Variants in MCTP1 observed in about 807,000 individuals in gnomAD.
The protein encoded by MCTP1 is multiple C2 and transmembrane domain containing 1.
Under a neutral mutation model 120.6 loss-of-function variants are expected in MCTP1, and 69 were observed. That is an observed-to-expected ratio of 0.57 (90% CI 0.47 to 0.70). MCTP1 has a LOEUF of 0.70. MCTP1 is among the 30% of genes least tolerant of loss of function. The pLI, the probability that MCTP1 is intolerant of heterozygous loss-of-function variation, is 0.00. For missense variants in MCTP1, 1,203 were observed against 1,248.8 expected, an observed-to-expected ratio of 0.96 and a Z score of 0.55; for synonymous variants, 529 against 493.1, an observed-to-expected ratio of 1.07 and a Z score of -0.96.
intron 1 of MCTP1, among the ~76,000 whole-genome samples, chr5:95,241,239 T>C (rs1317085781): frequency 1.3e-5 from 2 of 152,196 alleles, no homozygotes; most frequent in Non-Finnish European, 2.9e-5. Flanking sequence ...ATGTGGGAAA[T>C]GTGCATCCAA....
intron 17 of MCTP1, among the ~76,000 whole-genome samples, chr5:94,819,091 ATTTATTTATTT>A (rs1785066782): frequency 1.4e-5 from 1 of 73,124 alleles, no homozygotes; most frequent in African/African-American, 5.2e-5. Context: ...TTATTTATTT[ATTTATTTATTT>A]ATTTATTTAT....
intron 1 of MCTP1, among the ~76,000 whole-genome samples, chr5:95,202,351 G>C (rs1358590535): frequency 6.6e-6 from 1 of 152,096 alleles, no homozygotes; most frequent in Non-Finnish European, 1.5e-5. Context: ...CAGCTTCCTT[G>C]GTTCTAAGGC....
chr5:94,873,339 G>A, intron 12 of MCTP1, 98 bp from the exon 13 acceptor site: 2 of 617,832 alleles, frequency 3.2e-6, no homozygotes, highest in Non-Finnish European at 2.8e-6. Context: ...AAGTTTTATA[G>A]TAAACAAAAA....
intron 1 of MCTP1, among the ~76,000 whole-genome samples, chr5:95,144,477 TCCA>T (rs1382244940): frequency 6.6e-6 from 1 of 152,112 alleles, no homozygotes; most frequent in African/African-American, 2.4e-5. Flanking sequence ...TCAATTATTT[TCCA>T]AAGCCAGTGT....
chr5:94,998,849 A>T (rs1370908533), intron 2 of MCTP1, among the ~76,000 whole-genome samples: 1 of 152,166 alleles, frequency 6.6e-6, no homozygotes, highest in Non-Finnish European at 1.5e-5. Flanking sequence ...TTCTCCATAA[A>T]TATTCGTAGA....
intron 2 of MCTP1, among the ~76,000 whole-genome samples, chr5:95,009,483 G>T (rs1835481090): frequency 6.6e-6 from 1 of 151,730 alleles, no homozygotes; most frequent in Non-Finnish European, 1.5e-5. Flanking sequence ...TCATAGGGCT[G>T]CCAGATAAAG....
intron 19 of MCTP1, among the ~76,000 whole-genome samples, chr5:94,718,878 C>T (rs951844897): frequency 2.0e-5 from 3 of 152,160 alleles, no homozygotes; most frequent in Non-Finnish European, 4.4e-5. Flanking sequence ...TGCCACCACA[C>T]CTGGCTAATT....
intron 1 of MCTP1, among the ~76,000 whole-genome samples, chr5:95,158,922 A>G (rs1745420338): frequency 6.6e-6 from 1 of 152,204 alleles, no homozygotes; most frequent in South Asian, 2.1e-4. Flanking sequence ...CCTTGTCTCA[A>G]AATAATAAAA....
intron 1 of MCTP1, among the ~76,000 whole-genome samples, chr5:95,129,587 T>C: frequency 6.6e-6 from 1 of 152,120 alleles, no homozygotes. Context: ...GTAAACTGAG[T>C]AGAGAAGATC....
At chr5:95,255,441 T>C (rs1255726227) in intron 1 of MCTP1, among the ~76,000 whole-genome samples, 2 of 152,164 alleles carry the variant, frequency 1.3e-5, no homozygotes, top group Admixed American at 6.5e-5. Context: ...TTCCCAATCA[T>C]ATACTACAGC....
chr5:95,008,253 C>T (rs938943797), intron 2 of MCTP1, among the ~76,000 whole-genome samples: 2 of 152,078 alleles, frequency 1.3e-5, no homozygotes, highest in Non-Finnish European at 2.9e-5. Context: ...AAAAAGAAGG[C>T]CGCCCATTTC....
At chr5:94,942,165 A>G (rs1290687679) in intron 4 of MCTP1, among the ~76,000 whole-genome samples, 183 bp downstream of exon 4, 2 of 152,068 alleles carry the variant, frequency 1.3e-5, no homozygotes, top group African/African-American at 2.4e-5. Context: ...TGAATGAGGT[A>G]GTCAGGGAAG....
intron 6 of MCTP1, among the ~76,000 whole-genome samples, chr5:94,927,060 A>G (rs1813323231): frequency 6.6e-6 from 1 of 152,242 alleles, no homozygotes; most frequent in Non-Finnish European, 1.5e-5. Flanking sequence ...TATGAATTAC[A>G]ATACATAAAA....
At chr5:95,184,586 C>A (rs1748993198) in intron 1 of MCTP1, among the ~76,000 whole-genome samples, 1 of 152,088 alleles carries the variant, frequency 6.6e-6, no homozygotes. Context: ...TGATAACAGC[C>A]CTTTCCTGAA....
At chr5:94,720,116 A>C (rs1760540130) in intron 19 of MCTP1, among the ~76,000 whole-genome samples, 1 of 151,960 alleles carries the variant, frequency 6.6e-6, no homozygotes, top group Non-Finnish European at 1.5e-5. Context: ...ACAAGAGCGA[A>C]ACTCCTCTCA....
Position 94,714,872 on chromosome 5 carries a change from C to G in MCTP1, c.2625G>C (p.Lys875Asn), listed in dbSNP as rs1561515383. 6.2e-7 allele frequency: 1 copy of G among 1,601,318 alleles called. No homozygotes were observed. The highest frequency in any genetic ancestry group is 8.6e-7 in the Non-Finnish European group (1 of 1,168,686). ...TGGCATAGATTTTATTTATAAATCCCTTTTTTTCACTGTCCTAAAATGCAA... is the reference window on the plus strand; with the variant it reads ...TGGCATAGATTTTATTTATAAATCCGTTTTTTTCACTGTCCTAAAATGCAA... ...DDKDDKDSEK[K>N]GFINKIYAIQ... Residue 875 changes from lysine (K) to asparagine (N), a missense_variant, in exon 20 of 23, where the codon AAG becomes AAC. Lys to Asn is a moderately conservative substitution (Grantham distance 94, BLOSUM62 0). This residue lies in a region of MCTP1 where 740 missense variants were observed against 871.1 expected (regional missense o/e 0.85). Transcript: ENST00000515393.
At chr5:94,876,470 G>T (rs1378783150) in intron 12 of MCTP1, among the ~76,000 whole-genome samples, 1 of 152,116 alleles carries the variant, frequency 6.6e-6, no homozygotes, top group Non-Finnish European at 1.5e-5. Context: ...CGTGTGGCTA[G>T]AAGTGCAAAG....
chr5:95,206,455 A>T (rs1751626999), intron 1 of MCTP1, among the ~76,000 whole-genome samples: 1 of 152,200 alleles, frequency 6.6e-6, no homozygotes, highest in African/African-American at 2.4e-5. Context: ...TGAAGCTGTT[A>T]TAAGAAAAAA....
At chr5:94,816,662 A>G (rs1260137784) in intron 17 of MCTP1, among the ~76,000 whole-genome samples, 3 of 152,144 alleles carry the variant, frequency 2.0e-5, no homozygotes, top group African/African-American at 7.2e-5. Context: ...TATTGCAGAT[A>G]GAAAAATTGA....
Sources: gnomAD v4.1 joint callset for allele counts (sites outside exome capture counted in the v4.1 genomes callset) on GRCh38, gnomAD v4.1.1 for gene constraint, gnomAD v4.1.1 regional missense constraint, MANE v1.5 for transcripts, NCBI Gene and HGNC (gene_info 2026-07-23, HGNC 2026-07-21) for gene names.